Variants in ZRANB3 observed in about 807,000 individuals in gnomAD.
The protein encoded by ZRANB3 is DNA annealing helicase and endonuclease ZRANB3.
In ZRANB3, 125 loss-of-function variants were observed where a neutral mutation model predicts 133.8. The observed-to-expected ratio is 0.93, with a 90% CI of 0.81 to 1.08. The LOEUF is 1.08. ZRANB3 is among the 50% of genes least tolerant of loss of function. The pLI is 0.00. For synonymous variants in ZRANB3, 387 were observed against 432.7 expected, an observed-to-expected ratio of 0.89 and a Z score of 1.31; for missense variants, 1,229 against 1,275.5, an observed-to-expected ratio of 0.96 and a Z score of 0.56.
intron 3 of ZRANB3, among the ~76,000 whole-genome samples, chr2:135,388,820 T>C (rs1029491716): frequency 6.6e-6 from 1 of 152,192 alleles, no homozygotes; most frequent in Non-Finnish European, 1.5e-5. Context: ...TTCACACCTG[T>C]AATCCCAGCA....
rs1419693102 is a variant in ZRANB3, at chr2:135,295,759, G to T, written c.966+17730C>A. Among the ~76,000 whole-genome samples the T allele has an allele frequency of 5.9e-5, 9 of 152,266 alleles. No individual in the cohort carries two copies. The South Asian group carries it at 6.2e-4, about 11-fold the overall frequency. Reference sequence around the variant, plus strand: ...TTTAGTGCTTCCTTCAGGAGCTCTGGTAGGGCAGGTCTGGTGGTGACAAAA... The same window carrying T: ...TTTAGTGCTTCCTTCAGGAGCTCTGTTAGGGCAGGTCTGGTGGTGACAAAA... On this transcript the variant is annotated intron_variant, in intron 8 of 20. Transcript: ENST00000264159.
intron 12 of ZRANB3, among the ~76,000 whole-genome samples, chr2:135,261,879 G>T (rs1252368893): frequency 6.6e-6 from 1 of 152,034 alleles, no homozygotes; most frequent in African/African-American, 2.4e-5. Context: ...AGAAACCTTG[G>T]CTGGGCACAG....
At chr2:135,408,705 C>A (rs1688161467) in intron 2 of ZRANB3, among the ~76,000 whole-genome samples, 1 of 152,056 alleles carries the variant, frequency 6.6e-6, no homozygotes, top group Non-Finnish European at 1.5e-5. Context: ...AACCATCATT[C>A]TCAGCAAACT....
chr2:135,224,484 T>C lies in ZRANB3; in HGVS notation c.2192A>G (p.Tyr731Cys). The C allele has an allele frequency of 1.9e-6, 3 of 1,613,454 alleles. No homozygotes were observed. The highest frequency in any genetic ancestry group is 2.5e-6 in the Non-Finnish European group (3 of 1,179,564). The part of the protein sequence containing the change: ...QWKSSDTLPV[Y>C]DTLMFCASRN... ...ACTTGCACAGAACATTAAGGTGTCA[T>C]ACACTGGCAAAGTGTCTGAACTCTT... Residue 731 changes from tyrosine (Y) to cysteine (C), a missense_variant, in exon 15 of 21, where the codon TAT becomes TGT. Transcript: ENST00000264159.
At chr2:135,237,751 T>G (rs887583852) in intron 12 of ZRANB3, among the ~76,000 whole-genome samples, 11 of 138,120 alleles carry the variant, frequency 8.0e-5, no homozygotes, top group Admixed American at 2.3e-4. Flanking sequence ...TGAGAACACA[T>G]GGACACAGGA....
chr2:135,238,807 A>T (rs1695424486), intron 12 of ZRANB3: 2 of 152,280 alleles, frequency 1.3e-5, no homozygotes, highest in Admixed American at 1.3e-4. Flanking sequence ...CCCAGGCCAC[A>T]TGGAGAAATC....
chr2:135,321,577 G>A (rs771221048), intron 6 of ZRANB3, among the ~76,000 whole-genome samples: 5 of 151,198 alleles, frequency 3.3e-5, no homozygotes, highest in Admixed American at 6.6e-5. Flanking sequence ...AGGTTCAAGC[G>A]ATTCTCCTGC....
At chr2:135,481,944 C>T (rs2104794272) in intron 2 of ZRANB3, among the ~76,000 whole-genome samples, 1 of 139,238 alleles carries the variant, frequency 7.2e-6, no homozygotes, top group East Asian at 2.0e-4. Flanking sequence ...GGCGTTATTT[C>T]TGAGGGCTCT....
intron 2 of ZRANB3, among the ~76,000 whole-genome samples, chr2:135,486,750 G>T (rs1225503715): frequency 6.6e-6 from 1 of 152,084 alleles, no homozygotes; most frequent in African/African-American, 2.4e-5. Flanking sequence ...CTGACCTCAG[G>T]TGATCCACCC....
intron 15 of ZRANB3, among the ~76,000 whole-genome samples, chr2:135,219,895 A>G (rs1444019270): frequency 6.6e-6 from 1 of 151,650 alleles, no homozygotes; most frequent in Non-Finnish European, 1.5e-5. Context: ...TTTTTGAGAC[A>G]AGGTATCACT....
intron 6 of ZRANB3, among the ~76,000 whole-genome samples, chr2:135,322,179 T>G (rs1416441904): frequency 3.3e-5 from 5 of 152,204 alleles, no homozygotes; most frequent in Non-Finnish European, 7.3e-5. Flanking sequence ...AATCAATTGA[T>G]CACATATATG....
intron 7 of ZRANB3, among the ~76,000 whole-genome samples, chr2:135,314,116 G>A (rs907270925): frequency 6.6e-6 from 1 of 152,048 alleles, no homozygotes. Context: ...TGCCCACCTC[G>A]ACCTCCCAAA....
chr2:135,425,733 A>G (rs1219339627), intron 2 of ZRANB3, among the ~76,000 whole-genome samples: 1 of 152,172 alleles, frequency 6.6e-6, no homozygotes, highest in Non-Finnish European at 1.5e-5. Context: ...CACCCACATC[A>G]AAAAGTTATA....
At chr2:135,364,096 G>A (rs1685817774) in intron 3 of ZRANB3, among the ~76,000 whole-genome samples, 1 of 150,598 alleles carries the variant, frequency 6.6e-6, no homozygotes, top group Non-Finnish European at 1.5e-5. Flanking sequence ...GAAGGAAGGA[G>A]GGCAGGAGGG....
chr2:135,451,795 AG>A, intron 2 of ZRANB3, among the ~76,000 whole-genome samples: 1 of 152,216 alleles, frequency 6.6e-6, no homozygotes, highest in Non-Finnish European at 1.5e-5. Context: ...AAGAAGCTAG[AG>A]AAAATGACTT....
intron 3 of ZRANB3, among the ~76,000 whole-genome samples, chr2:135,383,289 G>A (rs1686808843): frequency 6.6e-6 from 1 of 152,168 alleles, no homozygotes; most frequent in South Asian, 2.1e-4. Context: ...TCAACAAGAA[G>A]AGCTAACTAT....
intron 2 of ZRANB3, among the ~76,000 whole-genome samples, chr2:135,426,817 G>C (rs572895107): frequency 1.1e-5 from 1 of 89,726 alleles, no homozygotes; most frequent in Non-Finnish European, 2.0e-5. Context: ...GCGTGACAGA[G>C]AGAGACTCTG....
At chr2:135,392,713 A>G (rs578225251) in intron 2 of ZRANB3, among the ~76,000 whole-genome samples, 5 of 152,240 alleles carry the variant, frequency 3.3e-5, no homozygotes, top group African/African-American at 1.2e-4. Context: ...ATGCCACTGC[A>G]CTCCAGCTTG....
intron 3 of ZRANB3, among the ~76,000 whole-genome samples, chr2:135,383,605 T>A (rs990562345): frequency 6.6e-6 from 1 of 152,204 alleles, no homozygotes; most frequent in African/African-American, 2.4e-5. Flanking sequence ...AGTAAAGTAC[T>A]CCTCAGCAAA....
Sources: allele counts gnomAD v4.1 joint callset (sites outside exome capture counted in the v4.1 genomes callset), GRCh38; gene constraint gnomAD v4.1.1; transcripts MANE v1.5; gene names NCBI Gene and HGNC (gene_info 2026-07-23, HGNC 2026-07-21).